The following ADGRB3 variants were observed in gnomAD, a reference collection of about 807,000 sequenced individuals.
ADGRB3 encodes adhesion G protein-coupled receptor B3.
ADGRB3 carries 37 observed loss-of-function variants against 193.4 expected under a neutral mutation model. That is an observed-to-expected ratio of 0.19 (90% CI 0.15 to 0.25). The LOEUF (loss-of-function observed/expected upper bound fraction) is 0.25, where lower values mean the gene tolerates loss of function less well. ADGRB3 is among the 10% of genes least tolerant of loss of function. The pLI, the probability that ADGRB3 is intolerant of heterozygous loss-of-function variation, is 1.00. For synonymous variants in ADGRB3, 690 were observed against 644.2 expected (o/e 1.07, Z -1.08); for missense variants, 1,637 against 1,852.9 (o/e 0.88, Z 2.14).
chr6:69,294,965 A>C (rs1239114993), intron 20 of ADGRB3, among the ~76,000 whole-genome samples: 8 of 152,260 alleles, frequency 5.3e-5, no homozygotes, highest in Admixed American at 5.2e-4. Flanking sequence ...TTACTGAGAA[A>C]AATCAGGAAT....
intron 31 of ADGRB3, 47 bp downstream of exon 31, chr6:69,382,982 A>T: frequency 7.6e-7 from 1 of 1,317,742 alleles, no homozygotes; most frequent in South Asian, 1.3e-5. Context: ...GCATCATGTC[A>T]GATATTATTC....
Position 69,085,100 on chromosome 6 carries a change from G to A in ADGRB3, c.2480+9062G>A, listed in dbSNP as rs184590958. Among the ~76,000 whole-genome samples the A allele has an allele frequency of 4.3e-3, 648 of 152,176 alleles. 10 individuals carry two copies. The highest frequency in any genetic ancestry group is 3.3e-3 in the South Asian group (16 of 4,830). On this transcript the variant is annotated intron_variant, in intron 17 of 31. Coordinates refer to ENST00000370598, the MANE Select transcript of ADGRB3 (RefSeq NM_001704.3). ...AAAAAATACCCTCGGTGAAAATATTGCGAAAGATGCCAACCAGAAGATTCC... is the reference window on the plus strand; with the variant it reads ...AAAAAATACCCTCGGTGAAAATATTACGAAAGATGCCAACCAGAAGATTCC...
At chr6:68,906,316 A>ATATATTGAAGGTATACCATG (rs1766545010) in intron 3 of ADGRB3, among the ~76,000 whole-genome samples, 1 of 151,478 alleles carries the variant, frequency 6.6e-6, no homozygotes, top group African/African-American at 2.4e-5. Context: ...GGTATACCAT[A>ATATATTGAAGGTATACCATG]TATATTGTTG....
At chr6:68,862,064 C>T (rs1464277189) in intron 3 of ADGRB3, among the ~76,000 whole-genome samples, 2 of 151,992 alleles carry the variant, frequency 1.3e-5, no homozygotes, top group Non-Finnish European at 2.9e-5. Flanking sequence ...AACTTCAGAG[C>T]TCTTATTTCA....
chr6:68,706,928 A>G (rs994896870), intron 3 of ADGRB3, among the ~76,000 whole-genome samples: 9 of 151,990 alleles, frequency 5.9e-5, no homozygotes, highest in Non-Finnish European at 1.2e-4. Context: ...TGGCTAACAC[A>G]GCGAAACCCC....
chr6:68,777,107 C>A (rs1326492426), intron 3 of ADGRB3, among the ~76,000 whole-genome samples: 1 of 152,150 alleles, frequency 6.6e-6, no homozygotes, highest in Non-Finnish European at 1.5e-5. Flanking sequence ...ATCCAACTTT[C>A]ATAATTTGAA....
intron 15 of ADGRB3, among the ~76,000 whole-genome samples, chr6:69,053,724 C>A (rs550472381): frequency 6.6e-6 from 1 of 152,172 alleles, no homozygotes; most frequent in Non-Finnish European, 1.5e-5. Flanking sequence ...TTGGCAAGCT[C>A]GTAAACTGCT....
chr6:69,210,149 C>CATATATATATATATATATATATATGAT (rs58586306), intron 17 of ADGRB3, among the ~76,000 whole-genome samples: 3 of 78,932 alleles, frequency 3.8e-5, no homozygotes, highest in Middle Eastern at 7.7e-3. Context: ...TAATATATAT[C>CATATATATATATATATATATATATGAT]ATATATATAT....
At chr6:69,057,029 C>A (rs1040463711) in intron 15 of ADGRB3, among the ~76,000 whole-genome samples, 2 of 152,030 alleles carry the variant, frequency 1.3e-5, no homozygotes, top group African/African-American at 2.4e-5. Flanking sequence ...TCATCTAATT[C>A]ATGGACACAG....
intron 17 of ADGRB3, among the ~76,000 whole-genome samples, chr6:69,123,863 A>G (rs942750121): frequency 6.6e-6 from 1 of 152,218 alleles, no homozygotes; most frequent in South Asian, 2.1e-4. Flanking sequence ...GATGAAAAAC[A>G]TACAGAGCAT....
chr6:68,745,366 C>T (rs1031726881), intron 3 of ADGRB3, among the ~76,000 whole-genome samples: 84 of 152,018 alleles, frequency 5.5e-4, no homozygotes, highest in Non-Finnish European at 1.9e-4. Flanking sequence ...TGTATGATTC[C>T]ACTTATATGA....
chr6:68,870,079 G>A (rs533605030), intron 3 of ADGRB3, among the ~76,000 whole-genome samples: 4 of 152,142 alleles, frequency 2.6e-5, no homozygotes, highest in Admixed American at 6.5e-5. Flanking sequence ...GTGCCCAGCC[G>A]AAAGGCAACA....
At chr6:69,258,079 C>T (rs188031880) in intron 20 of ADGRB3, among the ~76,000 whole-genome samples, 2 of 152,228 alleles carry the variant, frequency 1.3e-5, no homozygotes, top group Non-Finnish European at 2.9e-5. Context: ...GAAATCTCTG[C>T]AGCTAGCGAT....
intron 17 of ADGRB3, among the ~76,000 whole-genome samples, chr6:69,195,707 T>C (rs1765279661): frequency 6.6e-6 from 1 of 152,084 alleles, no homozygotes; most frequent in Non-Finnish European, 1.5e-5. Flanking sequence ...ACACAAAGTT[T>C]TTTTTTTGTT....
At chr6:69,113,649 TACA>T (rs1773438969) in intron 17 of ADGRB3, among the ~76,000 whole-genome samples, 1 of 152,194 alleles carries the variant, frequency 6.6e-6, no homozygotes, top group African/African-American at 2.4e-5. Context: ...TATCATTTGT[TACA>T]ACATTTCCTG....
chr6:68,819,864 G>A (rs1467246013), intron 3 of ADGRB3, among the ~76,000 whole-genome samples: 1 of 151,928 alleles, frequency 6.6e-6, no homozygotes, highest in Non-Finnish European at 1.5e-5. Flanking sequence ...TTTCATCCAT[G>A]ATTTTTTTAA....
At chr6:68,833,083 G>C (rs563367916) in intron 3 of ADGRB3, among the ~76,000 whole-genome samples, 1 of 152,036 alleles carries the variant, frequency 6.6e-6, no homozygotes, top group Non-Finnish European at 1.5e-5. Flanking sequence ...CCTTTCAAAG[G>C]TTCATGATTT....
At chr6:68,867,583 A>C (rs1370850961) in intron 3 of ADGRB3, among the ~76,000 whole-genome samples, 2 of 152,118 alleles carry the variant, frequency 1.3e-5, no homozygotes, top group African/African-American at 4.8e-5. Flanking sequence ...TCCAGACCCC[A>C]GAATGGTAGG....
At chr6:69,122,885 T>A (rs911019580) in intron 17 of ADGRB3, among the ~76,000 whole-genome samples, 1 of 152,020 alleles carries the variant, frequency 6.6e-6, no homozygotes, top group Non-Finnish European at 1.5e-5. Flanking sequence ...TTACTTCATC[T>A]CAGTGTCTAT....
Sources: allele counts gnomAD v4.1 joint callset (sites outside exome capture counted in the v4.1 genomes callset), GRCh38; gene constraint gnomAD v4.1.1; transcripts MANE v1.5; gene names NCBI Gene and HGNC (gene_info 2026-07-23, HGNC 2026-07-21).